Variants in BOD1L1 observed in about 807,000 individuals in gnomAD.
BOD1L1 encodes the protein biorientation of chromosomes in cell division protein 1-like 1.
In BOD1L1, 86 loss-of-function variants were observed where a neutral mutation model predicts 240.7. The ratio of observed to expected loss-of-function variants is 0.36; its 90% CI spans 0.30 to 0.43. BOD1L1 has a LOEUF of 0.43. BOD1L1 is among the 20% of genes least tolerant of loss of function. The probability of loss-of-function intolerance (pLI) is 1.00; values close to 1 mark genes in which losing one functional copy is unlikely to be tolerated. For missense variants in BOD1L1, 3,554 were observed against 3,643.5 expected (o/e 0.98, Z 0.63); for synonymous variants, 1,268 against 1,272.3 (o/e 1.00, Z 0.07).
Position 13,587,684 on chromosome 4 carries a change from CATAAAT to C in BOD1L1, c.8353+9_8353+14del, listed in dbSNP as rs755758957. ...TTTTCAAAGATGTCTAAAACAGAAA[CATAAAT>C]ATAAATACCTGGTTCATCTTCTGAA... On this transcript the variant is annotated intron_variant, in intron 16 of 25. Transcript: ENST00000040738. 1.2e-4 allele frequency: 181 copies of C among 1,520,740 alleles called. 3 individuals are homozygous for C. In the Middle Eastern group the frequency reaches 1.4e-3, roughly 12 times the overall value. The allele number at this position is 1,520,740 out of a possible 1,614,324, so 94.2% of individuals were successfully genotyped here.
intron 20 of BOD1L1, 31 bp downstream of exon 20, chr4:13,581,101 T>G (rs770472749): frequency 1.9e-5 from 30 of 1,566,462 alleles, no homozygotes; most frequent in Non-Finnish European, 2.6e-5. Flanking sequence ...AAATTTCTTG[T>G]GTGTGAACTG....
At chr4:13,577,667 A>G (rs777912752) in intron 22 of BOD1L1, 36 bp from the exon 23 acceptor site, 1 of 1,449,246 alleles carries the variant, frequency 6.9e-7, no homozygotes, top group East Asian at 2.4e-5. Context: ...TTAATATTTT[A>G]TTACTGTAAA....
rs1209432117 is a variant in BOD1L1, at chr4:13,614,693, T to G, written c.677A>C (p.Asn226Thr). 2 of 1,613,808 alleles carry G rather than the reference T, an allele frequency of 1.2e-6. No homozygotes were observed. Among genetic ancestry groups the G allele is most frequent in the Non-Finnish European group, 1.7e-6 (2 of 1,179,872 alleles). ...TGACGCTCTCTCACTGGTCTTGGCA[T>G]TTGATGTTTCTGTTGAAGCCCTAGC... ...SAARASTETS[N>T]AKTSERASKK... Residue 226 changes from asparagine (N) to threonine (T), a missense_variant, in exon 4 of 26, where the codon AAT becomes ACT. Around this residue, in one of 2 missense-constraint regions of BOD1L1, gnomAD observed 3,393 missense variants for 3,427.1 expected, o/e 0.99. Transcript: ENST00000040738.
rs1398868168 is a variant in BOD1L1, at chr4:13,604,647, A to C, written c.2253T>G (p.His751Gln). 6.3e-7 allele frequency: 1 copy of C among 1,582,004 alleles called. No individual in the cohort carries two copies. Among genetic ancestry groups the C allele is most frequent in the Non-Finnish European group, 8.5e-7 (1 of 1,170,878 alleles). Residue 751 changes from histidine (H) to glutamine (Q), a missense_variant, in exon 10 of 26, where the codon CAT becomes CAG. Transcript: ENST00000040738. Reference protein sequence around the residue: ...VKHKYKGDCMHKTGDETELHS... With the variant: ...VKHKYKGDCMQKTGDETELHS... ...GAAGCTCAGTCTCATCACCTGTTTT[A>C]TGCATACAATCACCTTTATATTTAT...
chr4:13,587,622 T>C (rs1308418772), intron 16 of BOD1L1, 77 bp downstream of exon 16: 3 of 1,095,242 alleles, frequency 2.7e-6, no homozygotes, highest in Admixed American at 4.6e-5. Flanking sequence ...AAATTCTCTA[T>C]GTTTTTGGCT....
At chr4:13,593,158 C>T (rs568467729) in intron 12 of BOD1L1, 1 of 152,120 alleles carries the variant, frequency 6.6e-6, no homozygotes, top group Non-Finnish European at 1.5e-5. Flanking sequence ...CCTAAGAAAT[C>T]TGAAATTCGA....
At chr4:13,621,195 A>G (rs1717011695) in intron 1 of BOD1L1, among the ~76,000 whole-genome samples, 1 of 152,234 alleles carries the variant, frequency 6.6e-6, no homozygotes, top group African/African-American at 2.4e-5. Flanking sequence ...CCAAGCACTC[A>G]GCACTGCACT....
In BOD1L1 at chr4:13,604,652, T is replaced by A; in HGVS notation, c.2248A>T (p.Met750Leu). The change falls in exon 10 of 26, where the codon ATG becomes TTG. Residue 750 changes from methionine (M) to leucine (L), a missense_variant. Transcript: ENST00000040738. Reference sequence around the variant, plus strand: ...TCAGTCTCATCACCTGTTTTATGCATACAATCACCTTTATATTTATGTTTC... The same window carrying A: ...TCAGTCTCATCACCTGTTTTATGCAAACAATCACCTTTATATTTATGTTTC... ...SVKHKYKGDC[M>L]HKTGDETELH... 6.3e-7 allele frequency: 1 copy of A among 1,583,436 alleles called. No individual in the cohort carries two copies. Among genetic ancestry groups the A allele is most frequent in the Non-Finnish European group, 8.5e-7 (1 of 1,171,350 alleles).
At chr4:13,586,928 A>G (rs1466870837) in intron 16 of BOD1L1, among the ~76,000 whole-genome samples, 1 of 152,222 alleles carries the variant, frequency 6.6e-6, no homozygotes, top group African/African-American at 2.4e-5. Context: ...TTTATTGTAA[A>G]GATTAAATGG....
In BOD1L1 at chr4:13,603,348, G is replaced by A; in HGVS notation, c.3552C>T (p.Gly1184=). The change falls in exon 10 of 26, where the codon GGC becomes GGT. Residue 1184 remains glycine (G), a synonymous_variant. Coordinates refer to ENST00000040738, the MANE Select transcript of BOD1L1 (RefSeq NM_148894.3). ...AATTACTATTAACTCCTGTTCCACG[G>A]CCTGGCTTATAAGCTGGAGCTGTTG... ...SKATAPAYKP[G]RGTGVNSNSE... is the part of the protein sequence containing the mutation. The A allele has an allele frequency of 6.2e-7, 1 of 1,613,960 alleles. No individual in the cohort carries two copies. The highest frequency in any genetic ancestry group is 8.5e-7 in the Non-Finnish European group (1 of 1,179,890).
intron 6 of BOD1L1, 55 bp downstream of exon 6, chr4:13,610,877 ATT>A (rs1364780108): frequency 1.5e-5 from 21 of 1,438,872 alleles, no homozygotes; most frequent in Non-Finnish European, 2.0e-5. Context: ...CAGATAGACT[ATT>A]TAAGTTTGTT....
At chr4:13,605,106 A>T in intron 9 of BOD1L1, 22 bp from the exon 10 acceptor site, 2 of 1,474,094 alleles carry the variant, frequency 1.4e-6, no homozygotes, top group Non-Finnish European at 1.8e-6. Flanking sequence ...CAAAGGTTAA[A>T]ATATGAGAAA....
At chr4:13,626,865 T>C (rs555822018) in intron 1 of BOD1L1, among the ~76,000 whole-genome samples, 11 of 152,200 alleles carry the variant, frequency 7.2e-5, no homozygotes, top group Non-Finnish European at 1.5e-4. Flanking sequence ...TGTCTCAGGT[T>C]TGCCTCCTTA....
At chr4:13,598,497 C>T (rs1486923352) in intron 10 of BOD1L1, among the ~76,000 whole-genome samples, 1 of 152,016 alleles carries the variant, frequency 6.6e-6, no homozygotes, top group African/African-American at 2.4e-5. Flanking sequence ...CACCCGAGGA[C>T]CATGAATGCT....
chr4:13,602,370 C>T lies in BOD1L1; in HGVS notation c.4530G>A (p.Arg1510=). ...GQTEDVATGP[R]RAEKTSVATS... ...TGGCAACAGAAGTCTTTTCTGCTCT[C>T]CTAGGCCCAGTTGCCACATCCTCAG... The change falls in exon 10 of 26, where the codon AGG becomes AGA. Residue 1510 remains arginine (R), a synonymous_variant. Transcript: ENST00000040738. 1 of 1,613,962 alleles carries T rather than the reference C, an allele frequency of 6.2e-7. No homozygotes were observed. Among genetic ancestry groups the T allele is most frequent in the Non-Finnish European group, 8.5e-7 (1 of 1,179,866 alleles).
In BOD1L1 at chr4:13,572,685, TG is replaced by T. The variant is rs200087415; in HGVS notation, c.9039-2558del. On this transcript the variant is annotated intron_variant, in intron 25 of 25. Coordinates refer to ENST00000040738, the MANE Select transcript of BOD1L1 (RefSeq NM_148894.3). ...TTAGGGGGTTAAAAATGGCTTGAAGTGTAAGCAGGGACTTACCTTCCTAATG... is the reference window on the plus strand; with the variant it reads ...TTAGGGGGTTAAAAATGGCTTGAAGTTAAGCAGGGACTTACCTTCCTAATG... 1.6e-3 allele frequency: 2,024 copies of T among 1,288,638 alleles called. 25 individuals carry two copies. In the African/African-American group the frequency reaches 0.024, roughly 15 times the overall value. The allele number at this position is 1,288,638 out of a possible 1,614,324, so 79.8% of individuals were successfully genotyped here. A position where few individuals can be genotyped will look rare whatever the true frequency, so the allele number is the denominator to read the frequency against.
chr4:13,604,667 A>G lies in BOD1L1; in HGVS notation c.2233T>C (p.Tyr745His). ...GTTTTATGCATACAATCACCTTTATATTTATGTTTCACAGACAATTTGTCT... is the reference window on the plus strand; with the variant it reads ...GTTTTATGCATACAATCACCTTTATGTTTATGTTTCACAGACAATTTGTCT... ...SEDKLSVKHK[Y>H]KGDCMHKTGD... The change falls in exon 10 of 26, where the codon TAT (tyrosine) becomes CAT (histidine). Residue 745 changes from tyrosine to histidine, a missense_variant. Transcript: ENST00000040738. 6.3e-7 allele frequency: 1 copy of G among 1,590,464 alleles called. No homozygotes were observed. The highest frequency in any genetic ancestry group is 8.5e-7 in the Non-Finnish European group (1 of 1,173,814).
At chr4:13,582,116 T>TA (rs1713279376) in intron 19 of BOD1L1, 121 bp downstream of exon 19, 4 of 743,170 alleles carry the variant, frequency 5.4e-6, no homozygotes, top group Non-Finnish European at 6.5e-6. Context: ...TCCATTGCAC[T>TA]AAAAAAACCG....
intron 1 of BOD1L1, among the ~76,000 whole-genome samples, chr4:13,620,781 G>A (rs984420839): frequency 1.3e-5 from 2 of 152,154 alleles, no homozygotes; most frequent in African/African-American, 4.8e-5. Context: ...CAGTGAGGAA[G>A]GTCTTTACTG....
Sources: gnomAD v4.1 joint callset for allele counts (sites outside exome capture counted in the v4.1 genomes callset) on GRCh38, gnomAD v4.1.1 for gene constraint, gnomAD v4.1.1 regional missense constraint, MANE v1.5 for transcripts, NCBI Gene and HGNC (gene_info 2026-07-23, HGNC 2026-07-21) for gene names.